MAP4K5: variants seen among roughly 807,000 people sequenced by gnomAD.
The protein encoded by MAP4K5 is MAPK/ERK kinase kinase kinase 5.
MAP4K5 carries 82 observed loss-of-function variants against 135.6 expected under a neutral mutation model. The observed-to-expected ratio is 0.60, with a 90% CI of 0.51 to 0.73. MAP4K5 has a LOEUF of 0.73. Ranked by LOEUF, MAP4K5 falls within the 30% of genes least tolerant of loss-of-function variation. The pLI, the probability that MAP4K5 is intolerant of heterozygous loss-of-function variation, is 0.00. For synonymous variants in MAP4K5, 347 were observed against 335.0 expected (o/e 1.04, Z -0.39); for missense variants, 907 against 1,010.9 (o/e 0.90, Z 1.39).
intron 1 of MAP4K5, among the ~76,000 whole-genome samples, chr14:50,556,686 A>G (rs1173580048): frequency 6.6e-6 from 1 of 152,022 alleles, no homozygotes; most frequent in African/African-American, 2.4e-5. Flanking sequence ...CAATTAATCT[A>G]CTTTCTGCCT....
chr14:50,432,141 T>C (rs2035985072), intron 28 of MAP4K5, among the ~76,000 whole-genome samples: 1 of 152,198 alleles, frequency 6.6e-6, no homozygotes, highest in Admixed American at 6.5e-5. Flanking sequence ...CTAAGCACCA[T>C]CCTTGGAGAT....
chr14:50,422,068 T>G (rs967557588), intron 32 of MAP4K5, among the ~76,000 whole-genome samples: 3 of 152,004 alleles, frequency 2.0e-5, no homozygotes, highest in African/African-American at 4.8e-5. Context: ...CTTTTTCTAT[T>G]TTTAGTAGAG....
chr14:50,440,149 T>C, intron 22 of MAP4K5, 76 bp from the exon 23 acceptor site: 1 of 1,017,226 alleles, frequency 9.8e-7, no homozygotes, highest in Non-Finnish European at 1.4e-6. Flanking sequence ...TCTGAAATCA[T>C]ATAAAAATAA....
chr14:50,554,462 G>A (rs1426584462), intron 1 of MAP4K5, among the ~76,000 whole-genome samples: 2 of 152,182 alleles, frequency 1.3e-5, no homozygotes, highest in African/African-American at 4.8e-5. Context: ...TGCAAGATTG[G>A]TGGGAAGAAT....
At chr14:50,431,749 G>A (rs1041828154) in intron 28 of MAP4K5, among the ~76,000 whole-genome samples, 2 of 151,736 alleles carry the variant, frequency 1.3e-5, no homozygotes, top group East Asian at 3.9e-4. Flanking sequence ...ATGATTTATA[G>A]TCCTTTGGGT....
intron 21 of MAP4K5, among the ~76,000 whole-genome samples, chr14:50,441,722 C>A (rs2036229603): frequency 6.7e-6 from 1 of 149,886 alleles, no homozygotes; most frequent in African/African-American, 2.5e-5. Flanking sequence ...AAGACTCTGT[C>A]TCTAAAAAAA....
rs528443397 is a variant in MAP4K5 at position 50,499,649 on chromosome 14, C to A, written c.166+5151G>T. 7.3e-5 allele frequency among the ~76,000 whole-genome samples: 11 copies of A among 150,226 alleles called. No homozygotes were observed. In the South Asian group the frequency reaches 8.4e-4, roughly 12 times the overall value. On this transcript the variant is annotated intron_variant, in intron 3 of 32. Coordinates refer to ENST00000682126, the MANE Select transcript of MAP4K5 (RefSeq NM_006575.6). ...CTCCAGCCTGGGCAACAGAAAGAGA[C>A]CCTGTTTAAAAAAAAAAAAAAGTCA...
In MAP4K5 at chr14:50,437,448, TTCAGTTTGAG is replaced by T; in HGVS notation, c.1882+18_1882+27del. On this transcript the variant is annotated intron_variant, in intron 26 of 32. Transcript: ENST00000682126. ...ATAAAGATGTTAAAAGTTCTAACCA[TTCAGTTTGAG>T]AAATACCATTTACTCACCTATGCAA... 1 of 1,525,124 alleles carries T rather than the reference TTCAGTTTGAG, an allele frequency of 6.6e-7. No individual in the cohort carries two copies. The highest frequency in any genetic ancestry group is 9.0e-7 in the Non-Finnish European group (1 of 1,110,886). The allele number at this position is 1,525,124 out of a possible 1,614,324, so 94.5% of individuals were successfully genotyped here.
At chr14:50,462,555 C>A in intron 13 of MAP4K5, 110 bp downstream of exon 13, 1 of 709,226 alleles carries the variant, frequency 1.4e-6, no homozygotes, top group Non-Finnish European at 2.4e-6. Flanking sequence ...GTAGCTAAAC[C>A]TGTTTTAACT....
intron 31 of MAP4K5, among the ~76,000 whole-genome samples, chr14:50,424,819 A>G (rs1191645817): frequency 6.6e-6 from 1 of 152,180 alleles, no homozygotes; most frequent in African/African-American, 2.4e-5. Flanking sequence ...TAGGAGTGAC[A>G]TAATGAAAAT....
chr14:50,559,497 T>C (rs1454565015), intron 1 of MAP4K5: 2 of 152,242 alleles, frequency 1.3e-5, no homozygotes, highest in Admixed American at 6.5e-5. Context: ...ATACCCAGAC[T>C]ATGTAGTATG....
chr14:50,454,536 T>TCC (rs2036558674), intron 14 of MAP4K5, among the ~76,000 whole-genome samples: 1 of 152,034 alleles, frequency 6.6e-6, no homozygotes. Flanking sequence ...GGTAAAACAT[T>TCC]CCTGATAAAT....
intron 2 of MAP4K5, among the ~76,000 whole-genome samples, chr14:50,541,051 C>T (rs1309110708): frequency 6.6e-6 from 1 of 152,190 alleles, no homozygotes; most frequent in African/African-American, 2.4e-5. Flanking sequence ...TAGAGCAAAT[C>T]AGAACAGCTC....
chr14:50,441,647 G>T (rs1300377804), intron 21 of MAP4K5, among the ~76,000 whole-genome samples: 1 of 151,754 alleles, frequency 6.6e-6, no homozygotes, highest in Non-Finnish European at 1.5e-5. Flanking sequence ...GATTGCCCAA[G>T]CCCAGGAGTT....
In MAP4K5 at chr14:50,480,723, G is replaced by A. The variant is rs561999738; in HGVS notation, c.378+1638C>T. 2.6e-5 allele frequency among the ~76,000 whole-genome samples: 4 copies of A among 152,216 alleles called. No homozygotes were observed. In the South Asian group the frequency reaches 8.3e-4, roughly 32 times the overall value. On this transcript the variant is annotated intron_variant, in intron 6 of 32. Coordinates refer to ENST00000682126, the MANE Select transcript of MAP4K5 (RefSeq NM_006575.6). ...GCAATTTTGTTGTGCAAGTATCACAGAGGGTACTTGCATAAACATGGATGG... is the reference window on the plus strand; with the variant it reads ...GCAATTTTGTTGTGCAAGTATCACAAAGGGTACTTGCATAAACATGGATGG...
intron 2 of MAP4K5, among the ~76,000 whole-genome samples, chr14:50,539,284 TAGC>T (rs1284542895): frequency 2.6e-5 from 4 of 152,208 alleles, no homozygotes; most frequent in Non-Finnish European, 4.4e-5. Flanking sequence ...CTCTAGCACT[TAGC>T]TGCTGTAACA....
At chr14:50,560,765 G>A (rs949214341) in intron 1 of MAP4K5, among the ~76,000 whole-genome samples, 16 of 152,214 alleles carry the variant, frequency 1.1e-4, no homozygotes, top group African/African-American at 3.9e-4. Flanking sequence ...GGCTCTGCAG[G>A]GCGCGGGCTC....
chr14:50,419,860 C>T lies in MAP4K5; in HGVS notation c.*159G>A. 1 of 592,160 alleles carries T rather than the reference C, an allele frequency of 1.7e-6. No homozygotes were observed. Among genetic ancestry groups the T allele is most frequent in the Admixed American group, 2.8e-5 (1 of 35,658 alleles). The allele number at this position is 592,160 out of a possible 1,614,324, so 36.7% of individuals were successfully genotyped here. A position where few individuals can be genotyped will look rare whatever the true frequency, so the allele number is the denominator to read the frequency against. Reference sequence around the variant, plus strand: ...CAAGAGATAGACTAGCTGTTTCCAGCTGCAGAAAATATTGAATTCTACCCT... The same window carrying T: ...CAAGAGATAGACTAGCTGTTTCCAGTTGCAGAAAATATTGAATTCTACCCT... On this transcript the variant is annotated 3_prime_UTR_variant, in exon 33 of 33. Coordinates refer to ENST00000682126, the MANE Select transcript of MAP4K5 (RefSeq NM_006575.6).
At chr14:50,529,355 C>G (rs1010008236) in intron 2 of MAP4K5, among the ~76,000 whole-genome samples, 3 of 152,146 alleles carry the variant, frequency 2.0e-5, no homozygotes, top group African/African-American at 7.2e-5. Flanking sequence ...CCACTGCCCT[C>G]TAGCCTGGGG....
Sources: allele counts gnomAD v4.1 joint callset (sites outside exome capture counted in the v4.1 genomes callset), GRCh38; gene constraint gnomAD v4.1.1; transcripts MANE v1.5; gene names NCBI Gene and HGNC (gene_info 2026-07-23, HGNC 2026-07-21).